Variants in BCAR3 observed in about 807,000 individuals in gnomAD.
BCAR3 encodes BCAR3 adaptor protein, NSP family member.
BCAR3 carries 37 observed loss-of-function variants against 80.1 expected under a neutral mutation model. The ratio of observed to expected loss-of-function variants is 0.46; its 90% CI spans 0.36 to 0.61. The LOEUF (loss-of-function observed/expected upper bound fraction) is 0.61, where lower values mean the gene tolerates loss of function less well. Among genes scored for constraint, BCAR3 ranks in the 20% least tolerant of loss-of-function variants. The pLI is 0.00. For synonymous variants in BCAR3, 389 were observed against 418.9 expected, an observed-to-expected ratio of 0.93 and a Z score of 0.87; for missense variants, 978 against 1,068.2, an observed-to-expected ratio of 0.92 and a Z score of 1.18.
chr1:93,636,407 A>T (rs1675781376), intron 3 of BCAR3, among the ~76,000 whole-genome samples: 1 of 152,208 alleles, frequency 6.6e-6, no homozygotes, highest in Admixed American at 6.5e-5. Context: ...GTTCACTAGG[A>T]ATCTAGCCAG....
chr1:93,635,718 C>T (rs1163316880), intron 3 of BCAR3, among the ~76,000 whole-genome samples: 7 of 152,190 alleles, frequency 4.6e-5, no homozygotes, highest in African/African-American at 1.4e-4. Context: ...TGCCAATGTG[C>T]ACACTCAGGC....
At chr1:93,573,620 T>TATTA (rs1422611434) in intron 8 of BCAR3, among the ~76,000 whole-genome samples, 1 of 141,540 alleles carries the variant, frequency 7.1e-6, no homozygotes, top group Non-Finnish European at 1.5e-5. Context: ...TTATTATTAT[T>TATTA]ATTATTATTA....
chr1:93,584,537 C>T (rs765710788), intron 5 of BCAR3, among the ~76,000 whole-genome samples: 4 of 152,258 alleles, frequency 2.6e-5, no homozygotes, highest in Non-Finnish European at 5.9e-5. Flanking sequence ...TTTCCACATG[C>T]TCCATAGTGT....
chr1:93,703,106 A>T (rs1375330520), intron 3 of BCAR3, among the ~76,000 whole-genome samples: 1 of 152,188 alleles, frequency 6.6e-6, no homozygotes, highest in East Asian at 1.9e-4. Flanking sequence ...CTGGAATTGG[A>T]ACTGTGATCA....
intron 4 of BCAR3, among the ~76,000 whole-genome samples, chr1:93,591,083 T>G (rs968810862): frequency 6.6e-6 from 1 of 151,656 alleles, no homozygotes; most frequent in Non-Finnish European, 1.5e-5. Flanking sequence ...TTGCTATCTA[T>G]GTTTTCTACA....
At chr1:93,605,535 T>C (rs1674749340) in intron 3 of BCAR3, 1 of 152,254 alleles carries the variant, frequency 6.6e-6, no homozygotes, top group Admixed American at 6.5e-5. Flanking sequence ...AAGACTGCCC[T>C]GGCTAAGGCA....
At chr1:93,679,954 C>T (rs1648674113) in intron 1 of BCAR3, among the ~76,000 whole-genome samples, 2 of 152,162 alleles carry the variant, frequency 1.3e-5, no homozygotes, top group South Asian at 2.1e-4. Flanking sequence ...GTCTCGGCTG[C>T]CCCATGACAG....
intron 2 of BCAR3, among the ~76,000 whole-genome samples, chr1:93,786,886 A>G (rs1652967942): frequency 6.6e-6 from 1 of 152,168 alleles, no homozygotes; most frequent in Admixed American, 6.5e-5. Flanking sequence ...GTGAAGACTA[A>G]GCATTTTAGT....
At chr1:93,659,057 G>A (rs541192053) in intron 2 of BCAR3, among the ~76,000 whole-genome samples, 1 of 152,346 alleles carries the variant, frequency 6.6e-6, no homozygotes, top group South Asian at 2.1e-4. Context: ...TCATTTGCAT[G>A]TGTATATGGC....
At chr1:93,604,918 A>T (rs774218811) in intron 3 of BCAR3, among the ~76,000 whole-genome samples, 3 of 151,996 alleles carry the variant, frequency 2.0e-5, no homozygotes, top group South Asian at 2.1e-4. Flanking sequence ...TCCCTTCTTG[A>T]CCCCAGTGAG....
intron 2 of BCAR3, among the ~76,000 whole-genome samples, chr1:93,841,676 A>G (rs78814746): frequency 1.8e-3 from 270 of 152,300 alleles, no homozygotes; most frequent in Middle Eastern, 6.8e-3. Flanking sequence ...AAGTCTTTCA[A>G]TCAGCCTCCC....
At chr1:93,750,694 C>T (rs961621599) in intron 2 of BCAR3, among the ~76,000 whole-genome samples, 29 of 152,216 alleles carry the variant, frequency 1.9e-4, no homozygotes, top group African/African-American at 6.8e-4. Context: ...GAGACCACCA[C>T]GCTGTGGGGA....
At chr1:93,630,093 T>C (rs989233784) in intron 3 of BCAR3, among the ~76,000 whole-genome samples, 2 of 152,192 alleles carry the variant, frequency 1.3e-5, no homozygotes, top group African/African-American at 2.4e-5. Context: ...AAGAGTACAA[T>C]TGGATTGTTT....
In BCAR3 at chr1:93,708,376, T is replaced by G. The variant is rs556540659; in HGVS notation, c.-62-2234A>C. Among the ~76,000 whole-genome samples the G allele has an allele frequency of 2.0e-5, 3 of 152,344 alleles. No individual in the cohort carries two copies. The East Asian group carries it at 5.8e-4, about 29-fold the overall frequency. On this transcript the variant is annotated intron_variant, in intron 2 of 13. Transcript: ENST00000370244. ...AGGTAGGATGAGTCCAAAAACCATC[T>G]TAACTTTGTTTCCAAGGGGCCTTTT...
intron 2 of BCAR3, among the ~76,000 whole-genome samples, chr1:93,736,335 G>A (rs989562247): frequency 4.6e-5 from 7 of 152,144 alleles, no homozygotes; most frequent in African/African-American, 1.7e-4. Context: ...TTACAAGCGC[G>A]TGCCACTGCA....
At chr1:93,723,975 C>T (rs532391911) in intron 2 of BCAR3, among the ~76,000 whole-genome samples, 2 of 152,346 alleles carry the variant, frequency 1.3e-5, no homozygotes, top group South Asian at 4.1e-4. Flanking sequence ...CCACCTCCCT[C>T]TGGGGACCTC....
intron 2 of BCAR3, among the ~76,000 whole-genome samples, chr1:93,736,533 T>C (rs925977586): frequency 6.6e-6 from 1 of 152,222 alleles, no homozygotes; most frequent in Non-Finnish European, 1.5e-5. Flanking sequence ...TACTAAGCCC[T>C]ACAGAATGGT....
At chr1:93,652,454 C>A (rs1676353938) in intron 2 of BCAR3, among the ~76,000 whole-genome samples, 1 of 152,164 alleles carries the variant, frequency 6.6e-6, no homozygotes, top group African/African-American at 2.4e-5. Context: ...CACCCAGACA[C>A]CCTTTCCAGG....
At chr1:93,633,783 T>C (rs1675696112) in intron 3 of BCAR3, among the ~76,000 whole-genome samples, 1 of 152,192 alleles carries the variant, frequency 6.6e-6, no homozygotes, top group Non-Finnish European at 1.5e-5. Context: ...TACAGGCGCA[T>C]GCCACCATGC....
Sources: gnomAD v4.1 joint callset for allele counts (sites outside exome capture counted in the v4.1 genomes callset) on GRCh38, gnomAD v4.1.1 for gene constraint, MANE v1.5 for transcripts, NCBI Gene and HGNC (gene_info 2026-07-23, HGNC 2026-07-21) for gene names.